RETREG1: variants seen among roughly 807,000 people sequenced by gnomAD.
RETREG1 encodes reticulophagy regulator 1, also known as family with sequence similarity 134 member B.
Under a neutral mutation model 54.8 loss-of-function variants are expected in RETREG1, and 44 were observed. That is an observed-to-expected ratio of 0.80 (90% CI 0.63 to 1.03). The LOEUF (loss-of-function observed/expected upper bound fraction) is 1.03. Among genes scored for constraint, RETREG1 ranks in the 50% least tolerant of loss-of-function variants. The pLI, the probability that RETREG1 is intolerant of heterozygous loss-of-function variation, is 0.00. For synonymous variants in RETREG1, 217 were observed against 238.5 expected (o/e 0.91, Z 0.83); for missense variants, 554 against 605.1 (o/e 0.92, Z 0.89).
chr5:16,495,132 C>G (rs190178260), intron 3 of RETREG1, among the ~76,000 whole-genome samples: 1 of 152,110 alleles, frequency 6.6e-6, no homozygotes, highest in African/African-American at 2.4e-5. Context: ...TTCTAAGCAG[C>G]AAGGTGTTCA....
chr5:16,600,584 C>T (rs1743027140), intron 1 of RETREG1, among the ~76,000 whole-genome samples: 1 of 152,164 alleles, frequency 6.6e-6, no homozygotes, highest in Non-Finnish European at 1.5e-5. Flanking sequence ...CAGGCTTCCC[C>T]TCCCTGCCCC....
intron 3 of RETREG1, among the ~76,000 whole-genome samples, chr5:16,490,347 G>T (rs115877503): frequency 3.9e-5 from 6 of 152,162 alleles, no homozygotes; most frequent in Non-Finnish European, 7.3e-5. Context: ...ATGAATAAAC[G>T]TAACTATTAA....
chr5:16,501,944 TATTA>T (rs1244849455), intron 3 of RETREG1, among the ~76,000 whole-genome samples: 1 of 149,828 alleles, frequency 6.7e-6, no homozygotes, highest in Non-Finnish European at 1.5e-5. Flanking sequence ...TAACTATAAA[TATTA>T]ATTAAGTAAG....
rs186714331 is a variant in RETREG1, at chr5:16,561,491, C to T, written c.458+4272G>A. ...CAGCCTGGGCGACAGAGCAAGACTCCGTCTCAAAAAATAATAATAATAAAA... is the reference window on the plus strand; with the variant it reads ...CAGCCTGGGCGACAGAGCAAGACTCTGTCTCAAAAAATAATAATAATAAAA... On this transcript the variant is annotated intron_variant, in intron 3 of 8. Coordinates refer to ENST00000306320, the MANE Select transcript of RETREG1 (RefSeq NM_001034850.3). This position sits in a 1 kb window ranked among gnomAD's most constrained non-coding sequence, Gnocchi z 4.2. Among the ~76,000 whole-genome samples, 1,065 of 151,544 alleles carry T rather than the reference C, an allele frequency of 7.0e-3. 18 individuals are homozygous for T. Among genetic ancestry groups the T allele is most frequent in the African/African-American group, 0.024 (1,003 of 41,308 alleles).
chr5:16,516,854 A>G (rs574954433), intron 3 of RETREG1, among the ~76,000 whole-genome samples: 28 of 152,294 alleles, frequency 1.8e-4, no homozygotes, highest in Non-Finnish European at 3.2e-4. Context: ...TAATCTCAGA[A>G]CCTTGGGAGG....
chr5:16,511,899 C>A (rs2126568665), intron 3 of RETREG1, among the ~76,000 whole-genome samples: 1 of 152,138 alleles, frequency 6.6e-6, no homozygotes, highest in Non-Finnish European at 1.5e-5. Flanking sequence ...CCCCCATGAT[C>A]CCCCATCACC....
intron 1 of RETREG1, among the ~76,000 whole-genome samples, chr5:16,596,836 G>A (rs1742907514): frequency 6.6e-6 from 1 of 152,108 alleles, no homozygotes; most frequent in African/African-American, 2.4e-5. Flanking sequence ...ACTAGAGAAT[G>A]GACCACAAAA....
At chr5:16,570,912 A>G (rs890135789) in intron 2 of RETREG1, among the ~76,000 whole-genome samples, 1 of 152,200 alleles carries the variant, frequency 6.6e-6, no homozygotes, top group Non-Finnish European at 1.5e-5. Flanking sequence ...GAAGAATACA[A>G]CTGAAATCCA....
At chr5:16,562,888 G>C (rs1281916892) in intron 3 of RETREG1, among the ~76,000 whole-genome samples, 2 of 152,110 alleles carry the variant, frequency 1.3e-5, no homozygotes, top group African/African-American at 4.8e-5. Context: ...TAAGAACTAA[G>C]GAAATCGGAA....
chr5:16,571,221 C>T (rs556364738), intron 2 of RETREG1, among the ~76,000 whole-genome samples: 39 of 152,282 alleles, frequency 2.6e-4, no homozygotes, highest in Non-Finnish European at 3.7e-4. Context: ...ATCCAGGCAG[C>T]TCTGATGCAC....
At chr5:16,568,995 G>A (rs768747393) in intron 2 of RETREG1, among the ~76,000 whole-genome samples, 31 of 152,242 alleles carry the variant, frequency 2.0e-4, no homozygotes, top group Non-Finnish European at 2.9e-4. Flanking sequence ...GCTATAAGCC[G>A]GGGCATCTAA....
chr5:16,519,054 AC>A (rs898260496), intron 3 of RETREG1, among the ~76,000 whole-genome samples: 11 of 152,186 alleles, frequency 7.2e-5, no homozygotes, highest in African/African-American at 2.7e-4. Flanking sequence ...AAAAGAAAAC[AC>A]CCAAACAAAC....
At chr5:16,579,538 G>T (rs1319939923) in intron 1 of RETREG1, among the ~76,000 whole-genome samples, 1 of 152,146 alleles carries the variant, frequency 6.6e-6, no homozygotes, top group African/African-American at 2.4e-5. Flanking sequence ...AATGCATAAT[G>T]ACATATATCC....
intron 3 of RETREG1, among the ~76,000 whole-genome samples, chr5:16,503,672 AAAAAAAG>A (rs1400767700): frequency 2.0e-5 from 3 of 148,660 alleles, no homozygotes; most frequent in Non-Finnish European, 3.0e-5. Context: ...CAAAAAAAAA[AAAAAAAG>A]AAAGAAAGAA....
chr5:16,509,813 A>C (rs1028083782), intron 3 of RETREG1, among the ~76,000 whole-genome samples: 1 of 152,152 alleles, frequency 6.6e-6, no homozygotes, highest in Non-Finnish European at 1.5e-5. Context: ...CCTGGGCAAC[A>C]CAATGAGACC....
At chr5:16,615,785 A>G (rs1008215619) in intron 1 of RETREG1, 1 of 152,126 alleles carries the variant, frequency 6.6e-6, no homozygotes. Context: ...AGGTTCAGAA[A>G]TCTCTGTCCT....
At chr5:16,512,481 A>G (rs1740210414) in intron 3 of RETREG1, among the ~76,000 whole-genome samples, 1 of 152,112 alleles carries the variant, frequency 6.6e-6, no homozygotes, top group South Asian at 2.1e-4. Flanking sequence ...TCTCCTTTGC[A>G]ATTTCATCAT....
chr5:16,603,977 G>A (rs1468719301), intron 1 of RETREG1, among the ~76,000 whole-genome samples: 8 of 152,068 alleles, frequency 5.3e-5, no homozygotes, highest in African/African-American at 7.3e-5. Context: ...TGCCTAAAAC[G>A]GAAAACAAAG....
rs374947524 is a variant in RETREG1, at chr5:16,572,057, G to A, written c.366C>T (p.Val122=). 6 of 1,613,742 alleles carry A rather than the reference G, an allele frequency of 3.7e-6. No individual in the cohort carries two copies. In the African/African-American group the frequency reaches 8.0e-5, roughly 22 times the overall value. ...GCATAATAACACGCCCAAGTATCAT[G>A]ACGGAAATCAGGTGATATACTCTCC... ...TPWRVYHLIS[V]MILGRVIMQI... Residue 122 remains valine (V), a synonymous_variant, in exon 2 of 9, where the codon GTC becomes GTT. Transcript: ENST00000306320.
Sources: allele counts gnomAD v4.1 joint callset (sites outside exome capture counted in the v4.1 genomes callset), GRCh38; gene constraint gnomAD v4.1.1; non-coding constraint Gnocchi (gnomAD v3.1); transcripts MANE v1.5; gene names NCBI Gene and HGNC (gene_info 2026-07-23, HGNC 2026-07-21).